The following ROBO1 variants were observed in gnomAD, a reference collection of about 807,000 sequenced individuals.
ROBO1 encodes the protein roundabout homolog 1.
Under a neutral mutation model 195.9 loss-of-function variants are expected in ROBO1, and 149 were observed. That is an observed-to-expected ratio of 0.76 (90% confidence interval 0.67 to 0.87). The LOEUF (loss-of-function observed/expected upper bound fraction) is 0.87, where lower values mean the gene tolerates loss of function less well. Ranked by LOEUF, ROBO1 falls within the 40% of genes least tolerant of loss-of-function variation. The pLI is 0.00. For missense variants in ROBO1, 1,933 were observed against 2,068.3 expected, an observed-to-expected ratio of 0.93 and a Z score of 1.27; for synonymous variants, 816 against 733.2, an observed-to-expected ratio of 1.11 and a Z score of -1.82.
intron 3 of ROBO1, among the ~76,000 whole-genome samples, chr3:79,099,370 T>G (rs976596083): frequency 6.6e-6 from 1 of 151,702 alleles, no homozygotes; most frequent in African/African-American, 2.4e-5. Context: ...AAATTAACAA[T>G]TACTTGATGT....
chr3:79,340,288 A>G (rs2034856803), intron 2 of ROBO1, among the ~76,000 whole-genome samples: 1 of 152,200 alleles, frequency 6.6e-6, no homozygotes, highest in South Asian at 2.1e-4. Flanking sequence ...ATACCATTGC[A>G]ATCTTCCCCT....
intron 4 of ROBO1, among the ~76,000 whole-genome samples, chr3:78,825,209 T>C (rs1158085334): frequency 6.6e-6 from 1 of 152,120 alleles, no homozygotes; most frequent in East Asian, 1.9e-4. Flanking sequence ...TTTCTAAAAC[T>C]TGAAAAAGTT....
At chr3:79,384,898 C>T (rs1162631207) in intron 2 of ROBO1, among the ~76,000 whole-genome samples, 1 of 152,002 alleles carries the variant, frequency 6.6e-6, no homozygotes, top group South Asian at 2.1e-4. Context: ...CTAAGGAAAT[C>T]TCCGATACAG....
chr3:79,472,583 C>A (rs561193422), intron 2 of ROBO1, among the ~76,000 whole-genome samples: 44 of 152,200 alleles, frequency 2.9e-4, no homozygotes, highest in Admixed American at 2.2e-3. Context: ...AATTGGTGAG[C>A]TCCTTAAGCA....
intron 2 of ROBO1, among the ~76,000 whole-genome samples, chr3:79,299,331 A>C (rs1376094742): frequency 6.6e-6 from 1 of 152,200 alleles, no homozygotes; most frequent in African/African-American, 2.4e-5. Context: ...TCAGTAAATT[A>C]AATCTCTGGT....
At chr3:78,624,733 C>T (rs1376460678) in intron 26 of ROBO1, among the ~76,000 whole-genome samples, 1 of 151,980 alleles carries the variant, frequency 6.6e-6, no homozygotes, top group Non-Finnish European at 1.5e-5. Flanking sequence ...ACAGCAAATA[C>T]TAATGCAATA....
chr3:79,171,550 T>C (rs1039497079), intron 2 of ROBO1, among the ~76,000 whole-genome samples: 17 of 152,098 alleles, frequency 1.1e-4, no homozygotes, highest in Non-Finnish European at 1.3e-4. Flanking sequence ...CAGTACAGAT[T>C]ACATTGTAAA....
At chr3:78,750,419 C>T (rs1279976156) in intron 4 of ROBO1, among the ~76,000 whole-genome samples, 2 of 149,948 alleles carry the variant, frequency 1.3e-5, no homozygotes, top group Non-Finnish European at 3.0e-5. Context: ...CACCACTGCA[C>T]TCCAGCCTGG....
intron 2 of ROBO1, among the ~76,000 whole-genome samples, chr3:79,243,943 C>T (rs1360483329): frequency 6.6e-6 from 1 of 152,222 alleles, no homozygotes; most frequent in South Asian, 2.1e-4. Context: ...AGGTTTTCTT[C>T]TAGGGTTTTT....
chr3:79,346,399 T>C (rs373699693), intron 2 of ROBO1, among the ~76,000 whole-genome samples: 2 of 152,268 alleles, frequency 1.3e-5, no homozygotes, highest in East Asian at 3.9e-4. Flanking sequence ...ATGTTGGGAT[T>C]TTCTACATCA....
intron 1 of ROBO1, among the ~76,000 whole-genome samples, chr3:79,625,423 G>GAAAAAAAAAAAAAAAAAAAAAAAA: frequency 3.6e-4 from 5 of 13,882 alleles, no homozygotes; most frequent in Non-Finnish European, 5.2e-4. Flanking sequence ...TGTTTTTTTT[G>GAAAAAAAAAAAAAAAAAAAAAAAA]AAAAAAAAAA....
At chr3:78,968,245 G>T (rs2076688406) in intron 3 of ROBO1, among the ~76,000 whole-genome samples, 1 of 146,784 alleles carries the variant, frequency 6.8e-6, no homozygotes, top group Admixed American at 6.8e-5. Flanking sequence ...TGGAAAACAT[G>T]TCACTTTATA....
At chr3:79,357,925 A>G (rs1380215186) in intron 2 of ROBO1, among the ~76,000 whole-genome samples, 1 of 152,138 alleles carries the variant, frequency 6.6e-6, no homozygotes, top group Non-Finnish European at 1.5e-5. Context: ...ATAAAATATG[A>G]AATTAATGGG....
intron 2 of ROBO1, among the ~76,000 whole-genome samples, chr3:79,500,942 C>G (rs757685300): frequency 5.9e-5 from 9 of 152,074 alleles, no homozygotes; most frequent in Admixed American, 2.0e-4. Context: ...TTCTCTCTCT[C>G]TCTCTCACAT....
chr3:78,752,172 C>CTTTG (rs60339174), intron 4 of ROBO1, among the ~76,000 whole-genome samples: 22 of 151,964 alleles, frequency 1.4e-4, no homozygotes, highest in Admixed American at 1.4e-3. Context: ...CATACATAGT[C>CTTTG]ATAGTACAGA....
intron 3 of ROBO1, among the ~76,000 whole-genome samples, chr3:79,025,956 T>G (rs2078195501): frequency 6.6e-6 from 1 of 152,174 alleles, no homozygotes. Flanking sequence ...ACCAGAATAA[T>G]CAGCAATTCT....
Position 79,125,444 on chromosome 3 carries a change from G to C in ROBO1, c.172+12C>G, listed in dbSNP as rs1354636733. On this transcript the variant is annotated intron_variant, in intron 3 of 30. Coordinates refer to ENST00000464233, the MANE Select transcript of ROBO1 (RefSeq NM_002941.4). ...CAGGAGGAAGTTAGTATTTGGGAAA[G>C]AGACACTCTACCTGTATAGCCCAGC... 3.1e-6 allele frequency: 5 copies of C among 1,610,724 alleles called. No individual in the cohort carries two copies. Among genetic ancestry groups the C allele is most frequent in the Non-Finnish European group, 4.2e-6 (5 of 1,177,458 alleles).
intron 4 of ROBO1, among the ~76,000 whole-genome samples, chr3:78,897,995 C>A (rs1441389113): frequency 6.6e-6 from 1 of 151,460 alleles, no homozygotes; most frequent in Non-Finnish European, 1.5e-5. Context: ...TTATTCATTT[C>A]CAAATTTAAA....
chr3:78,979,553 A>G (rs2076949128), intron 3 of ROBO1, among the ~76,000 whole-genome samples: 1 of 152,316 alleles, frequency 6.6e-6, no homozygotes, highest in East Asian at 1.9e-4. Context: ...TTATATTAAG[A>G]ATCTCAGAGA....
Sources: gnomAD v4.1 joint callset for allele counts (sites outside exome capture counted in the v4.1 genomes callset) on GRCh38, gnomAD v4.1.1 for gene constraint, MANE v1.5 for transcripts, NCBI Gene and HGNC (gene_info 2026-07-23, HGNC 2026-07-21) for gene names.